Variants in SHISA9 observed in about 807,000 individuals in gnomAD.
SHISA9 encodes the protein shisa family member 9, also known as protein shisa-9.
Under a neutral mutation model 38.0 loss-of-function variants are expected in SHISA9, and 13 were observed. The observed-to-expected ratio is 0.34, with a 90% CI of 0.22 to 0.54. The LOEUF (loss-of-function observed/expected upper bound fraction) is 0.54. SHISA9 is among the 20% of genes least tolerant of loss of function. The pLI is 0.91. For synonymous variants in SHISA9, 275 were observed against 242.0 expected (o/e 1.14, Z -1.27); for missense variants, 538 against 575.8 (o/e 0.93, Z 0.67).
At chr16:13,114,699 AT>A (rs66499007) in intron 2 of SHISA9, among the ~76,000 whole-genome samples, 7,581 of 152,042 alleles carry the variant, frequency 0.05, 285 homozygotes, top group East Asian at 0.17. Context: ...ATAGTAATGA[AT>A]TTTATGTGTT....
chr16:13,243,990 C>T (rs529194033), downstream of SHISA9, among the ~76,000 whole-genome samples: 19 of 152,122 alleles, frequency 1.2e-4, no homozygotes, highest in Non-Finnish European at 1.0e-4. Flanking sequence ...CCAGGATGGC[C>T]TCGATTTCCT....
At chr16:13,197,938 A>G (rs996378656) in intron 2 of SHISA9, among the ~76,000 whole-genome samples, 1 of 152,122 alleles carries the variant, frequency 6.6e-6, no homozygotes, top group Non-Finnish European at 1.5e-5. Context: ...TAAGCCCAGC[A>G]CTTTGGGAGG....
chr16:13,135,129 G>A (rs562588732), intron 2 of SHISA9, among the ~76,000 whole-genome samples: 32 of 152,276 alleles, frequency 2.1e-4, no homozygotes, highest in South Asian at 6.2e-4. Flanking sequence ...GGAGCAAGAA[G>A]CAATTCTTCC....
the SHISA9 span, among the ~76,000 whole-genome samples, chr16:13,274,638 T>C: frequency 2.0e-5 from 3 of 152,088 alleles, no homozygotes; most frequent in Admixed American, 2.0e-4. Context: ...TGGCTGACCC[T>C]GAAAGAAGGA....
At chr16:12,931,489 C>T (rs532626363) in intron 2 of SHISA9, among the ~76,000 whole-genome samples, 1 of 152,154 alleles carries the variant, frequency 6.6e-6, no homozygotes, top group Non-Finnish European at 1.5e-5. Flanking sequence ...ATCTTTATGT[C>T]CATGTCTACC....
At chr16:13,226,281 C>T (rs2051278622) in intron 4 of SHISA9, among the ~76,000 whole-genome samples, 1 of 152,208 alleles carries the variant, frequency 6.6e-6, no homozygotes, top group Non-Finnish European at 1.5e-5. Context: ...CTAACCACCT[C>T]CTTGTTGTTG....
the SHISA9 span, among the ~76,000 whole-genome samples, chr16:13,321,125 C>G: frequency 9.2e-5 from 14 of 152,186 alleles, no homozygotes; most frequent in African/African-American, 3.1e-4. Flanking sequence ...GACGGCACAT[C>G]TTCATAATTC....
the SHISA9 span, among the ~76,000 whole-genome samples, chr16:13,286,658 T>C: frequency 6.6e-6 from 1 of 152,234 alleles, no homozygotes; most frequent in Non-Finnish European, 1.5e-5. Flanking sequence ...TGTGTTTGTT[T>C]ATCACTAGAG....
the SHISA9 span, among the ~76,000 whole-genome samples, chr16:13,505,524 G>T: frequency 6.6e-6 from 1 of 152,182 alleles, no homozygotes; most frequent in African/African-American, 2.4e-5. Context: ...CAAGTGTATT[G>T]GTGAGGACAA....
the SHISA9 span, among the ~76,000 whole-genome samples, chr16:13,414,951 C>T: frequency 6.6e-6 from 1 of 152,152 alleles, no homozygotes; most frequent in South Asian, 2.1e-4. Flanking sequence ...GATTTATAGA[C>T]AGCAAAAGGA....
chr16:13,428,370 G>A, the SHISA9 span, among the ~76,000 whole-genome samples: 35 of 152,288 alleles, frequency 2.3e-4, no homozygotes, highest in Non-Finnish European at 4.7e-4. Context: ...CATCAGTGGA[G>A]CCCTCCTGAA....
intron 2 of SHISA9, among the ~76,000 whole-genome samples, chr16:13,157,656 A>G (rs1276983916): frequency 1.3e-5 from 2 of 152,176 alleles, no homozygotes; most frequent in Non-Finnish European, 2.9e-5. Context: ...TAGTGGTGTT[A>G]TCTCCATTTT....
At chr16:13,291,933 T>G in the SHISA9 span, among the ~76,000 whole-genome samples, 1 of 152,236 alleles carries the variant, frequency 6.6e-6, no homozygotes, top group African/African-American at 2.4e-5. Flanking sequence ...AACAGTGTTT[T>G]TTTACCTTTT....
At position 12,911,293 on chromosome 16, in the gene SHISA9, A is replaced by G. The variant is rs1471433047; in HGVS notation, c.564-5395A>G. ...GAAGCACTCAAACTATGTGCCGCAA[A>G]CAAACGCCAAATTCTTAGGCATTTG... On this transcript the variant is annotated intron_variant, in intron 1 of 4. Transcript: ENST00000558583. The G allele has an allele frequency of 9.1e-6, 9 of 985,396 alleles. No homozygotes were observed. The African/African-American group carries it at 1.4e-4, about 15-fold the overall frequency. 61.0% of individuals were successfully genotyped at this position (985,396 alleles called of 1,614,324 possible). A position where few individuals can be genotyped will look rare whatever the true frequency, so the allele number is the denominator to read the frequency against.
chr16:13,092,837 G>C (rs2073789037), intron 2 of SHISA9, among the ~76,000 whole-genome samples: 2 of 152,148 alleles, frequency 1.3e-5, no homozygotes, highest in African/African-American at 4.8e-5. Flanking sequence ...CCCACTGTCT[G>C]ACCAGTCCCA....
At chr16:12,976,371 A>G (rs1444965472) in intron 2 of SHISA9, among the ~76,000 whole-genome samples, 1 of 152,152 alleles carries the variant, frequency 6.6e-6, no homozygotes, top group Non-Finnish European at 1.5e-5. Context: ...GATTACAGGC[A>G]TGAGCCACCA....
chr16:13,197,949 C>G (rs1463010701), intron 2 of SHISA9, among the ~76,000 whole-genome samples: 1 of 152,138 alleles, frequency 6.6e-6, no homozygotes, highest in African/African-American at 2.4e-5. Flanking sequence ...CTTTGGGAGG[C>G]CAAGGCGGGC....
At chr16:13,130,823 A>T (rs534571030) in intron 2 of SHISA9, among the ~76,000 whole-genome samples, 1 of 152,280 alleles carries the variant, frequency 6.6e-6, no homozygotes, top group East Asian at 1.9e-4. Context: ...TTCCAACAAG[A>T]CTTTATTTAC....
At chr16:13,556,258 C>T in the SHISA9 span, among the ~76,000 whole-genome samples, 22 of 152,170 alleles carry the variant, frequency 1.4e-4, no homozygotes, top group Middle Eastern at 3.4e-3. Context: ...ATTTAACAGA[C>T]GAAAATGTGG....
Sources: gnomAD v4.1 joint callset for allele counts (sites outside exome capture counted in the v4.1 genomes callset) on GRCh38, gnomAD v4.1.1 for gene constraint, MANE v1.5 for transcripts, NCBI Gene and HGNC (gene_info 2026-07-23, HGNC 2026-07-21) for gene names.